Variants in PBX1 observed in about 807,000 individuals in gnomAD.
PBX1 encodes the protein pre-B-cell leukemia transcription factor 1.
In PBX1, 6 loss-of-function variants were observed where a neutral mutation model predicts 53.4. That is an observed-to-expected ratio of 0.11 (90% confidence interval 0.06 to 0.22). The LOEUF is 0.22. Among genes scored for constraint, PBX1 ranks in the 10% least tolerant of loss-of-function variants. PBX1 has a pLI of 1.00. For missense variants in PBX1, 251 were observed against 551.4 expected (o/e 0.46, Z 5.46); for synonymous variants, 204 against 212.3 (o/e 0.96, Z 0.34).
chr1:164,811,682 G>A (rs1411314881), intron 5 of PBX1, among the ~76,000 whole-genome samples: 1 of 152,192 alleles, frequency 6.6e-6, no homozygotes, highest in African/African-American at 2.4e-5. Context: ...AACTGAAGAT[G>A]TAAGCAAATT....
At chr1:164,689,854 C>G (rs937599164) in intron 2 of PBX1, among the ~76,000 whole-genome samples, 1 of 152,064 alleles carries the variant, frequency 6.6e-6, no homozygotes, top group African/African-American at 2.4e-5. Context: ...ACCTATCCCT[C>G]CCCCTCCCCT....
At chr1:164,692,498 C>G (rs1049990987) in intron 2 of PBX1, among the ~76,000 whole-genome samples, 2 of 152,028 alleles carry the variant, frequency 1.3e-5, no homozygotes, top group East Asian at 3.9e-4. Context: ...TCCATTCCCA[C>G]CCCACCACTC....
At chr1:164,621,230 G>T (rs924630090) in intron 2 of PBX1, among the ~76,000 whole-genome samples, 1 of 150,682 alleles carries the variant, frequency 6.6e-6, no homozygotes, top group African/African-American at 2.4e-5. Flanking sequence ...CTTGTGATCC[G>T]CCTGCCTCAG....
At chr1:164,694,231 C>T (rs189582418) in intron 2 of PBX1, among the ~76,000 whole-genome samples, 2 of 152,274 alleles carry the variant, frequency 1.3e-5, no homozygotes. Context: ...ATTTCTTCAT[C>T]TCTGTATTCT....
Position 164,809,906 on chromosome 1 carries a change from C to A in PBX1, c.838-2084C>A, listed in dbSNP as rs539928783. ...TGGGAGCCTGTTAGAAATATAAATT[C>A]TTGAGTGTCACCCTAATTCTGAATC... is the stretch of plus-strand genomic sequence containing the variant. On this transcript the variant is annotated intron_variant, in intron 5 of 8. Coordinates refer to ENST00000420696, the MANE Select transcript of PBX1 (RefSeq NM_002585.4). Among the ~76,000 whole-genome samples the A allele has an allele frequency of 7.2e-4, 109 of 152,314 alleles. 1 individual carries two copies. The highest frequency in any genetic ancestry group is 2.5e-3 in the African/African-American group (102 of 41,558).
intron 6 of PBX1, chr1:164,817,517 A>C (rs2102357492): frequency 6.6e-6 from 1 of 152,362 alleles, no homozygotes; most frequent in Middle Eastern, 3.4e-3. Context: ...GGGTGTACAG[A>C]CACAATGAAA....
At chr1:164,570,643 T>C (rs1465664110) in intron 2 of PBX1, among the ~76,000 whole-genome samples, 1 of 152,216 alleles carries the variant, frequency 6.6e-6, no homozygotes. Flanking sequence ...GTCTTTGCTA[T>C]TGTGAATAGT....
chr1:164,850,290 CA>C lies in PBX1; in HGVS notation c.*3615del. The C allele has an allele frequency of 4.7e-6, 1 of 213,772 alleles. No homozygotes were observed. The highest frequency in any genetic ancestry group is 9.4e-6 in the Non-Finnish European group (1 of 106,880). 13.2% of individuals were successfully genotyped at this position (213,772 alleles called of 1,614,324 possible). On this transcript the variant is annotated 3_prime_UTR_variant, in exon 9 of 9. Coordinates refer to ENST00000420696, the MANE Select transcript of PBX1 (RefSeq NM_002585.4). ...AGAAAAGTGTCGAGTTGTGCACATC[CA>C]TTTCTTGTTTCACAATGTTTAAAAG...
At chr1:164,690,491 C>T (rs181870205) in intron 2 of PBX1, among the ~76,000 whole-genome samples, 95 of 152,184 alleles carry the variant, frequency 6.2e-4, no homozygotes, top group African/African-American at 2.0e-3. Context: ...ATACATTGTT[C>T]GGGCGCAGTG....
At chr1:164,787,356 T>C (rs1229619350) in intron 2 of PBX1, among the ~76,000 whole-genome samples, 1 of 152,114 alleles carries the variant, frequency 6.6e-6, no homozygotes, top group Non-Finnish European at 1.5e-5. Context: ...ACCCTCCCTG[T>C]AGATCTGCCC....
At chr1:164,600,874 G>T (rs550766911) in intron 2 of PBX1, among the ~76,000 whole-genome samples, 1 of 152,268 alleles carries the variant, frequency 6.6e-6, no homozygotes, top group Admixed American at 6.5e-5. Flanking sequence ...ATGGGCCAGA[G>T]GTTGTCATCT....
chr1:164,735,686 G>A (rs186806703), intron 2 of PBX1, among the ~76,000 whole-genome samples: 162 of 152,312 alleles, frequency 1.1e-3, no homozygotes, highest in Admixed American at 2.6e-3. Flanking sequence ...AGGCCATTCC[G>A]TCAGTGCTGA....
intron 2 of PBX1, chr1:164,771,645 A>G (rs967474707): frequency 6.6e-6 from 1 of 151,632 alleles, no homozygotes; most frequent in Non-Finnish European, 1.5e-5. Context: ...GTTGCGAGTC[A>G]TGAGATCCCA....
At chr1:164,845,268 G>A (rs902472516) in intron 8 of PBX1, among the ~76,000 whole-genome samples, 5 of 151,592 alleles carry the variant, frequency 3.3e-5, no homozygotes, top group Non-Finnish European at 4.4e-5. Context: ...GTTCTCAGTC[G>A]TGAACCGGGA....
intron 2 of PBX1, among the ~76,000 whole-genome samples, chr1:164,884,286 A>C (rs1443191689): frequency 6.6e-6 from 1 of 152,158 alleles, no homozygotes; most frequent in Non-Finnish European, 1.5e-5. Flanking sequence ...ATTTTTTTCC[A>C]TATTATATGA....
chr1:164,776,227 C>T (rs10753647), intron 2 of PBX1, among the ~76,000 whole-genome samples: 36,900 of 151,966 alleles, frequency 0.24, 4,785 homozygotes, highest in African/African-American at 0.3. Context: ...GCTCATTGTA[C>T]GTGGGTTCCT....
intron 4 of PBX1, among the ~76,000 whole-genome samples, chr1:164,806,295 T>C (rs550200419): frequency 7.5e-4 from 114 of 152,254 alleles, no homozygotes; most frequent in African/African-American, 2.7e-3. Context: ...GAAAATGCTT[T>C]TATTAAAAAA....
intron 2 of PBX1, among the ~76,000 whole-genome samples, chr1:164,672,593 TTTC>T (rs1359169172): frequency 2.0e-5 from 3 of 152,208 alleles, no homozygotes; most frequent in Non-Finnish European, 4.4e-5. Flanking sequence ...TTTTTCCCCC[TTTC>T]TTCTTGAGCT....
chr1:164,621,345 C>T (rs995519024), intron 2 of PBX1, among the ~76,000 whole-genome samples: 8 of 152,198 alleles, frequency 5.3e-5, no homozygotes, highest in Admixed American at 2.0e-4. Context: ...TGTATTTTGC[C>T]TTCCTTTTCT....
Sources: gnomAD v4.1 joint callset for allele counts (sites outside exome capture counted in the v4.1 genomes callset) on GRCh38, gnomAD v4.1.1 for gene constraint, MANE v1.5 for transcripts, NCBI Gene and HGNC (gene_info 2026-07-23, HGNC 2026-07-21) for gene names.